Variants in SIRPA observed in about 807,000 individuals in gnomAD.
SIRPA encodes the protein signal regulatory protein alpha.
SIRPA carries 9 observed loss-of-function variants against 50.3 expected under a neutral mutation model. That is an observed-to-expected ratio of 0.18 (90% CI 0.11 to 0.31). The LOEUF (loss-of-function observed/expected upper bound fraction) is 0.31, where lower values mean the gene tolerates loss of function less well. Among genes scored for constraint, SIRPA ranks in the 10% least tolerant of loss-of-function variants. SIRPA has a pLI of 1.00. For missense variants in SIRPA, 474 were observed against 661.6 expected (o/e 0.72, Z 3.11); for synonymous variants, 265 against 284.1 (o/e 0.93, Z 0.68).
chr20:1,933,401 A>ACCC lies in SIRPA; in HGVS notation c.1227-1306_1227-1304dup, dbSNP rs11395264. Among the ~76,000 whole-genome samples, 6,875 of 138,582 alleles carry ACCC rather than the reference A, an allele frequency of 0.05. 177 individuals carry two copies. Among genetic ancestry groups the ACCC allele is most frequent in the Non-Finnish European group, 0.072 (4,558 of 63,200 alleles). The allele number at this position is 138,582 out of a possible 152,430, so 90.9% of individuals were successfully genotyped here. On this transcript the variant is annotated intron_variant, in intron 6 of 7. Coordinates refer to ENST00000358771, the MANE Select transcript of SIRPA (RefSeq NM_001040023.2). This position sits in a 1 kb window ranked among gnomAD's most constrained non-coding sequence, Gnocchi z 4.4. ...CATGAAGTACATAACATCAAATGCC[A>ACCC]CCCCCCCCCCGAAATATCTGGTGGG... is the stretch of plus-strand genomic sequence containing the variant.
At chr20:1,914,186 G>A (rs192136394) in intron 1 of SIRPA, among the ~76,000 whole-genome samples, 120 of 152,168 alleles carry the variant, frequency 7.9e-4, no homozygotes, top group African/African-American at 2.8e-3. Flanking sequence ...GTGTGATCTC[G>A]TTTTCTTTTC....
intron 1 of SIRPA, among the ~76,000 whole-genome samples, chr20:1,907,991 G>C (rs1984646612): frequency 6.6e-6 from 1 of 152,336 alleles, no homozygotes; most frequent in Non-Finnish European, 1.5e-5. Flanking sequence ...GGGCTAGCCT[G>C]TTGACAGCTG....
chr20:1,918,740 A>G (rs1265538177), intron 2 of SIRPA, among the ~76,000 whole-genome samples: 1 of 152,024 alleles, frequency 6.6e-6, no homozygotes, highest in East Asian at 1.9e-4. Context: ...TTCCCTGTCT[A>G]TGAAATGATG....
At chr20:1,921,751 G>A (rs778703003) in intron 3 of SIRPA, 39 bp downstream of exon 3, 49 of 1,612,844 alleles carry the variant, frequency 3.0e-5, no homozygotes, top group African/African-American at 1.7e-4. Flanking sequence ...ACACCTGACC[G>A]CCAAGCCCAC....
At position 1,921,485 on chromosome 20, in the gene SIRPA, C is replaced by T. The variant is rs1380729558; in HGVS notation, c.527C>T (p.Ser176Leu). The T allele has an allele frequency of 2.5e-6, 4 of 1,613,898 alleles. No individual in the cohort carries two copies. In the African/African-American group the frequency reaches 5.3e-5, roughly 22 times the overall value. The change falls in exon 3 of 8, where the codon TCA becomes TTA. Residue 176 changes from serine to leucine, a missense_variant. By Grantham distance (145) the Ser-to-Leu change is moderately radical. Transcript: ENST00000358771. ...VSFTCESHGF[S>L]PRDITLKWFK... The stretch of plus-strand genomic sequence containing the variant: ...TTCACCTGCGAGTCCCACGGCTTCT[C>T]ACCCAGAGACATCACCCTGAAATGG...
At chr20:1,911,883 G>T (rs1279149073) in intron 1 of SIRPA, among the ~76,000 whole-genome samples, 1 of 150,336 alleles carries the variant, frequency 6.7e-6, no homozygotes, top group East Asian at 2.0e-4. Context: ...CCAGAGCCAG[G>T]AGTGATTTTT....
At chr20:1,917,489 G>A (rs1002644569) in intron 2 of SIRPA, among the ~76,000 whole-genome samples, 4 of 152,126 alleles carry the variant, frequency 2.6e-5, no homozygotes, top group Non-Finnish European at 4.4e-5. Context: ...ACAGTGAGCC[G>A]AGATCGCACC....
chr20:1,918,464 G>A (rs568248818), intron 2 of SIRPA, among the ~76,000 whole-genome samples: 4 of 148,050 alleles, frequency 2.7e-5, no homozygotes, highest in East Asian at 2.0e-4. Flanking sequence ...CCCCCACCTC[G>A]GCCTCCCAAA....
At chr20:1,908,474 C>T (rs1984682418) in intron 1 of SIRPA, among the ~76,000 whole-genome samples, 2 of 152,128 alleles carry the variant, frequency 1.3e-5, no homozygotes, top group Admixed American at 1.3e-4. Flanking sequence ...AGACACTCTC[C>T]TGCACACAAT....
chr20:1,937,291 G>T lies in SIRPA; in HGVS notation c.1267-29G>T, dbSNP rs944372689. On this transcript the variant is annotated intron_variant, in intron 7 of 7. Coordinates refer to ENST00000358771, the MANE Select transcript of SIRPA (RefSeq NM_001040023.2). The surrounding 1 kb of genome is among the most constrained non-coding windows in gnomAD (Gnocchi z 8.3). ...AGGGGCTATAGAATGACCTTCTCATGACTTTCTCTTTGGGTATCTTAAATC... is the reference window on the plus strand; with the variant it reads ...AGGGGCTATAGAATGACCTTCTCATTACTTTCTCTTTGGGTATCTTAAATC... 8 of 1,601,720 alleles carry T rather than the reference G, an allele frequency of 5.0e-6. No homozygotes were observed. In the African/African-American group the frequency reaches 9.4e-5, roughly 19 times the overall value.
At position 1,924,654 on chromosome 20, in the gene SIRPA, G is replaced by C. The variant is rs1053153747; in HGVS notation, c.1088-110G>C. On this transcript the variant is annotated intron_variant, in intron 4 of 7. Coordinates refer to ENST00000358771, the MANE Select transcript of SIRPA (RefSeq NM_001040023.2). This position sits in a 1 kb window ranked among gnomAD's most constrained non-coding sequence, Gnocchi z 4.5. ...GGCTCGAGACATCTAAGAAGGTCCA[G>C]CCAGATGTTCTCAGTTAATGATGCC... 1 of 857,204 alleles carries C rather than the reference G, an allele frequency of 1.2e-6. No individual in the cohort carries two copies. The highest frequency in any genetic ancestry group is 1.7e-5 in the African/African-American group (1 of 60,052). 53.1% of individuals were successfully genotyped at this position (857,204 alleles called of 1,614,324 possible).
chr20:1,896,477 G>A (rs1469856663), intron 1 of SIRPA, among the ~76,000 whole-genome samples: 1 of 151,604 alleles, frequency 6.6e-6, no homozygotes, highest in Admixed American at 6.6e-5. Flanking sequence ...CAGAGAAATG[G>A]CATTAAGGGA....
At position 1,898,403 on chromosome 20, in the gene SIRPA, A is replaced by T. The variant is rs1177043279; in HGVS notation, c.79+2877A>T. The stretch of plus-strand genomic sequence containing the variant: ...TTCACGTCTGTACTTGCAGTCATGC[A>T]GCACCTATGCAGTGCTGGTGTGAAC... On this transcript the variant is annotated intron_variant, in intron 1 of 7. Transcript: ENST00000358771. This position sits in a 1 kb window ranked among gnomAD's most constrained non-coding sequence, Gnocchi z 4.3. 6.6e-6 allele frequency among the ~76,000 whole-genome samples: 1 copy of T among 152,156 alleles called. No individual in the cohort carries two copies. The highest frequency in any genetic ancestry group is 2.4e-5 in the African/African-American group (1 of 41,444).
chr20:1,929,555 A>C (rs1218903829), intron 6 of SIRPA, among the ~76,000 whole-genome samples: 1 of 147,854 alleles, frequency 6.8e-6, no homozygotes, highest in Non-Finnish European at 1.5e-5. Flanking sequence ...TCTGGGAAGC[A>C]TCAGGTGCCC....
At chr20:1,905,616 C>G (rs1235774551) in intron 1 of SIRPA, among the ~76,000 whole-genome samples, 2 of 152,210 alleles carry the variant, frequency 1.3e-5, no homozygotes, top group African/African-American at 4.8e-5. Context: ...TACTCCAGGC[C>G]TCAGTTTCTT....
At position 1,932,077 on chromosome 20, in the gene SIRPA, C is replaced by G. The variant is rs1441421735; in HGVS notation, c.1227-2638C>G. The stretch of plus-strand genomic sequence containing the variant: ...AGATTCATTCATTCATTCATTCATT[C>G]ATTCATTCAGCAAATACATATGGAC... On this transcript the variant is annotated intron_variant, in intron 6 of 7. Coordinates refer to ENST00000358771, the MANE Select transcript of SIRPA (RefSeq NM_001040023.2). This position sits in a 1 kb window ranked among gnomAD's most constrained non-coding sequence, Gnocchi z 6.0. 6.6e-6 allele frequency among the ~76,000 whole-genome samples: 1 copy of G among 152,106 alleles called. No individual in the cohort carries two copies. The highest frequency in any genetic ancestry group is 1.5e-5 in the Non-Finnish European group (1 of 68,040).
intron 5 of SIRPA, among the ~76,000 whole-genome samples, chr20:1,926,470 G>A (rs766671593): frequency 1.6e-4 from 24 of 152,260 alleles, no homozygotes; most frequent in Non-Finnish European, 2.9e-4. Context: ...TGTTGCAGAG[G>A]AATGGAGTTT....
At chr20:1,902,216 C>T (rs1305663606) in intron 1 of SIRPA, among the ~76,000 whole-genome samples, 1 of 152,074 alleles carries the variant, frequency 6.6e-6, no homozygotes, top group Non-Finnish European at 1.5e-5. Context: ...AAGTGCTAAA[C>T]ATGGGGTATC....
At position 1,924,873 on chromosome 20, in the gene SIRPA, G is replaced by A; in HGVS notation, c.1197G>A (p.Lys399=). 1 of 1,613,598 alleles carries A rather than the reference G, an allele frequency of 6.2e-7. No individual in the cohort carries two copies. The highest frequency in any genetic ancestry group is 8.5e-7 in the Non-Finnish European group (1 of 1,179,502). ...TCTACCTCGTCCGAATCAGACAGAA[G>A]AAAGGTGGGTGCATTCCCCTCTTCC... ...AALYLVRIRQ[K]KAQGSTSSTR... is the part of the protein sequence containing the mutation. Residue 399 remains lysine, a synonymous_variant, in exon 5 of 8, where the codon AAG becomes AAA. Coordinates refer to ENST00000358771, the MANE Select transcript of SIRPA (RefSeq NM_001040023.2). This position sits in a 1 kb window ranked among gnomAD's most constrained non-coding sequence, Gnocchi z 4.5.
Sources: gnomAD v4.1 joint callset for allele counts (sites outside exome capture counted in the v4.1 genomes callset) on GRCh38, gnomAD v4.1.1 for gene constraint, Gnocchi (gnomAD v3.1) non-coding constraint, MANE v1.5 for transcripts, NCBI Gene and HGNC (gene_info 2026-07-23, HGNC 2026-07-21) for gene names.